Variants in OPCML observed in about 807,000 individuals in gnomAD.
OPCML encodes opioid binding protein/cell adhesion molecule like, also known as opioid-binding protein/cell adhesion molecule.
In OPCML, 13 loss-of-function variants were observed where a neutral mutation model predicts 37.8. The observed-to-expected ratio is 0.34, with a 90% CI of 0.22 to 0.55. OPCML has a LOEUF of 0.55. OPCML is among the 20% of genes least tolerant of loss of function. OPCML has a pLI of 0.91. For missense variants in OPCML, 341 were observed against 435.6 expected (o/e 0.78, Z 1.93); for synonymous variants, 176 against 168.8 (o/e 1.04, Z -0.33).
chr11:133,231,416 G>T (rs1386893891), intron 1 of OPCML, among the ~76,000 whole-genome samples: 6 of 152,146 alleles, frequency 3.9e-5, no homozygotes, highest in African/African-American at 1.2e-4. Context: ...AGAGTTGGCA[G>T]CACAGGGCAG....
At chr11:133,229,977 A>G (rs1380445769) in intron 1 of OPCML, among the ~76,000 whole-genome samples, 3 of 152,204 alleles carry the variant, frequency 2.0e-5, no homozygotes, top group Non-Finnish European at 4.4e-5. Context: ...TTACGTGCCC[A>G]AGGCAATAGC....
At chr11:133,061,706 A>G (rs926596419) in intron 1 of OPCML, among the ~76,000 whole-genome samples, 1 of 152,286 alleles carries the variant, frequency 6.6e-6, no homozygotes, top group South Asian at 2.1e-4. Flanking sequence ...TCTCATCTTG[A>G]CCACCTCCTT....
At chr11:133,327,387 G>T (rs150060854) in intron 1 of OPCML, among the ~76,000 whole-genome samples, 3 of 151,810 alleles carry the variant, frequency 2.0e-5, no homozygotes, top group African/African-American at 4.8e-5. Flanking sequence ...GTGTATTTAC[G>T]CTCATTGCAG....
intron 3 of OPCML, among the ~76,000 whole-genome samples, chr11:132,571,408 T>C (rs1333486695): frequency 6.6e-6 from 1 of 152,148 alleles, no homozygotes; most frequent in Non-Finnish European, 1.5e-5. Flanking sequence ...TCCTATTACT[T>C]TTGTCCCTCT....
chr11:133,328,701 C>T (rs1943540415), intron 1 of OPCML, among the ~76,000 whole-genome samples: 1 of 152,140 alleles, frequency 6.6e-6, no homozygotes, highest in African/African-American at 2.4e-5. Flanking sequence ...TAAGAGCTAT[C>T]TATGACAAAC....
chr11:133,291,380 G>A (rs556852226), intron 1 of OPCML, among the ~76,000 whole-genome samples: 21 of 152,252 alleles, frequency 1.4e-4, no homozygotes, highest in Middle Eastern at 3.4e-3. Context: ...TGAGCCCTGC[G>A]TCCACTGCAC....
chr11:132,589,337 T>C (rs1395469189), intron 3 of OPCML, among the ~76,000 whole-genome samples: 1 of 152,212 alleles, frequency 6.6e-6, no homozygotes, highest in Non-Finnish European at 1.5e-5. Flanking sequence ...AAGTAGCCCA[T>C]TGAACATCTC....
At chr11:133,199,080 T>G (rs1235228150) in intron 1 of OPCML, among the ~76,000 whole-genome samples, 1 of 152,030 alleles carries the variant, frequency 6.6e-6, no homozygotes, top group Non-Finnish European at 1.5e-5. Flanking sequence ...AAAGGAGAAG[T>G]GTTAAGCTGG....
chr11:132,889,607 C>A (rs563281366), intron 2 of OPCML, among the ~76,000 whole-genome samples: 5 of 152,230 alleles, frequency 3.3e-5, no homozygotes, highest in Non-Finnish European at 5.9e-5. Flanking sequence ...AGAGATGTCT[C>A]CCTCTTACAG....
intron 3 of OPCML, among the ~76,000 whole-genome samples, chr11:132,550,947 G>A (rs1011912523): frequency 6.6e-6 from 1 of 152,190 alleles, no homozygotes; most frequent in Non-Finnish European, 1.5e-5. Context: ...GAAGGAAATG[G>A]ACCAATGGAG....
intron 2 of OPCML, among the ~76,000 whole-genome samples, chr11:132,873,580 G>A (rs1027197854): frequency 6.6e-6 from 1 of 152,094 alleles, no homozygotes; most frequent in African/African-American, 2.4e-5. Flanking sequence ...AAGGTAGCAG[G>A]GCTTAGGCCA....
rs1011892763 is a variant in OPCML, at chr11:133,174,494, G to A, written c.62-231484C>T. ...CATTTAATTGTAATGACGTAAAGGT[G>A]ATTATGAACATTACGATTTATAATA... is the stretch of plus-strand genomic sequence containing the variant. On this transcript the variant is annotated intron_variant, in intron 1 of 7. Transcript: ENST00000524381. The surrounding 1 kb of genome is among the most constrained non-coding windows in gnomAD (Gnocchi z 4.6). Among the ~76,000 whole-genome samples the A allele has an allele frequency of 5.3e-5, 8 of 152,106 alleles. No individual in the cohort carries two copies. The highest frequency in any genetic ancestry group is 1.9e-4 in the African/African-American group (8 of 41,402).
At chr11:133,379,121 C>T (rs770959215) in intron 1 of OPCML, among the ~76,000 whole-genome samples, 1 of 152,044 alleles carries the variant, frequency 6.6e-6, no homozygotes, top group Non-Finnish European at 1.5e-5. Context: ...AGGGTAGAAC[C>T]AAAAGCAGAG....
At chr11:133,285,190 T>C (rs1942263861) in intron 1 of OPCML, among the ~76,000 whole-genome samples, 1 of 152,096 alleles carries the variant, frequency 6.6e-6, no homozygotes, top group South Asian at 2.1e-4. Flanking sequence ...GTTTGTCCCA[T>C]TTAGAAGACG....
chr11:133,498,612 C>G (rs536920922), intron 1 of OPCML, among the ~76,000 whole-genome samples: 38 of 152,310 alleles, frequency 2.5e-4, no homozygotes, highest in African/African-American at 8.9e-4. Flanking sequence ...AACAGTTACT[C>G]AAAGAACAAG....
intron 1 of OPCML, among the ~76,000 whole-genome samples, chr11:133,252,961 C>A (rs1196086583): frequency 1.3e-5 from 2 of 152,052 alleles, no homozygotes; most frequent in Non-Finnish European, 2.9e-5. Context: ...GCCTGACCAA[C>A]ATGGTGAAAC....
intron 2 of OPCML, among the ~76,000 whole-genome samples, chr11:132,933,704 C>A (rs566868858): frequency 3.3e-5 from 5 of 152,234 alleles, no homozygotes; most frequent in African/African-American, 1.2e-4. Context: ...TTCTGTTGGA[C>A]ACTGAGAATG....
At chr11:133,369,179 C>T (rs1944619342) in intron 1 of OPCML, among the ~76,000 whole-genome samples, 1 of 152,104 alleles carries the variant, frequency 6.6e-6, no homozygotes, top group Non-Finnish European at 1.5e-5. Context: ...TGGGCCCTGG[C>T]TTAGCTTGTA....
At chr11:133,078,887 C>T (rs1178625674) in intron 1 of OPCML, among the ~76,000 whole-genome samples, 1 of 152,160 alleles carries the variant, frequency 6.6e-6, no homozygotes, top group African/African-American at 2.4e-5. Context: ...TATTCTTTTA[C>T]TGCTTGAGAA....
Sources: gnomAD v4.1 joint callset for allele counts (sites outside exome capture counted in the v4.1 genomes callset) on GRCh38, gnomAD v4.1.1 for gene constraint, Gnocchi (gnomAD v3.1) non-coding constraint, MANE v1.5 for transcripts, NCBI Gene and HGNC (gene_info 2026-07-23, HGNC 2026-07-21) for gene names.